CAPN15: variants seen among roughly 807,000 people sequenced by gnomAD.
CAPN15 encodes the protein calpain-15.
CAPN15 carries 53 observed loss-of-function variants against 97.9 expected under a neutral mutation model. The ratio of observed to expected loss-of-function variants is 0.54; its 90% CI spans 0.43 to 0.68. The LOEUF (loss-of-function observed/expected upper bound fraction) is 0.68, where lower values mean the gene tolerates loss of function less well. CAPN15 is among the 30% of genes least tolerant of loss of function. The pLI is 0.00. For synonymous variants in CAPN15, 922 were observed against 722.5 expected (o/e 1.28, Z -4.43); for missense variants, 1,592 against 1,589.8 (o/e 1.00, Z -0.02).
At chr16:553,109 C>G in intron 13 of CAPN15, 68 bp downstream of exon 13, 1 of 879,800 alleles carries the variant, frequency 1.1e-6, no homozygotes, top group East Asian at 3.1e-5. Flanking sequence ...TGCACCCACA[C>G]CCAACTCGTG....
In CAPN15 at chr16:547,881, A is replaced by C; in HGVS notation, c.1043A>C (p.Lys348Thr). The C allele has an allele frequency of 6.2e-7, 1 of 1,611,422 alleles. No individual in the cohort carries two copies. ...SPDFTTWSCA[K>T]CTLRNPTVAP... ...GACTTCACCACCTGGTCATGTGCCAAGTGCACGCTCAGAAACCCCACAGTG... is the reference window on the plus strand; with the variant it reads ...GACTTCACCACCTGGTCATGTGCCACGTGCACGCTCAGAAACCCCACAGTG... Residue 348 changes from lysine (K) to threonine (T), a missense_variant, in exon 4 of 14, where the codon AAG becomes ACG. Transcript: ENST00000219611.
In CAPN15 at chr16:554,412, C is replaced by T. The variant is rs1331129015; in HGVS notation, c.*896C>T. On this transcript the variant is annotated 3_prime_UTR_variant, in exon 14 of 14. Coordinates refer to ENST00000219611, the MANE Select transcript of CAPN15 (RefSeq NM_005632.3). ...CTCGCCCCCACTCCCCCTCCTACCCCGGCAGGGGCTTCCGGGGCCTTTTCA... is the reference window on the plus strand; with the variant it reads ...CTCGCCCCCACTCCCCCTCCTACCCTGGCAGGGGCTTCCGGGGCCTTTTCA... 9 of 432,882 alleles carry T rather than the reference C, an allele frequency of 2.1e-5. No individual in the cohort carries two copies. The highest frequency in any genetic ancestry group is 3.3e-5 in the South Asian group (2 of 60,944). The allele number at this position is 432,882 out of a possible 1,614,324, so 26.8% of individuals were successfully genotyped here. A position where few individuals can be genotyped will look rare whatever the true frequency, so the allele number is the denominator to read the frequency against.
rs141486247 is a variant in CAPN15, at chr16:551,359, C to T, written c.2124C>T (p.Tyr708=). 2.1e-4 allele frequency: 335 copies of T among 1,609,728 alleles called. 4 individuals carry two copies. The South Asian group carries it at 2.5e-3, about 12-fold the overall frequency. The change falls in exon 8 of 14, where the codon TAC becomes TAT. Residue 708 remains tyrosine (Y), a synonymous_variant. Transcript: ENST00000219611. ...ACATGAAGGTGGACGATTCGGCCTACGAGAGCCTGGGCCTGCGCCCCCGGC... is the reference window on the plus strand; with the variant it reads ...ACATGAAGGTGGACGATTCGGCCTATGAGAGCCTGGGCCTGCGCCCCCGGC... ...GGNMKVDDSA[Y]ESLGLRPRHA...
chr16:540,355 C>T (rs28579080), intron 3 of CAPN15: 6 of 985,408 alleles, frequency 6.1e-6, no homozygotes, highest in South Asian at 4.7e-5. Flanking sequence ...CCAGCCCCCA[C>T]GGCCCCGGGC....
In CAPN15 at chr16:552,095, A is replaced by G; in HGVS notation, c.2390A>G (p.Gln797Arg). 1 of 1,549,276 alleles carries G rather than the reference A, an allele frequency of 6.5e-7. No individual in the cohort carries two copies. The highest frequency in any genetic ancestry group is 8.7e-7 in the Non-Finnish European group (1 of 1,146,964). The change falls in exon 10 of 14, where the codon CAG becomes CGG. Residue 797 changes from glutamine (Q) to arginine (R), a missense_variant. By Grantham distance (43) the Gln-to-Arg change is conservative (BLOSUM62 1). Transcript: ENST00000219611. This position sits in a 1 kb window ranked among gnomAD's most constrained non-coding sequence, Gnocchi z 6.4. ...VDICKVHSDW[Q>R]EARVQGCFPS... ...ATCTGTAAGGTGCACTCGGACTGGC[A>G]GGAGGCGCGGGTGCAGGGCTGCTTT...
chr16:544,229 C>T (rs1001886307), intron 3 of CAPN15, among the ~76,000 whole-genome samples: 4 of 152,140 alleles, frequency 2.6e-5, no homozygotes, highest in East Asian at 1.9e-4. Context: ...CATGGTATCC[C>T]CCGCCCTGGG....
intron 1 of CAPN15, among the ~76,000 whole-genome samples, chr16:531,877 A>C (rs1019894755): frequency 6.6e-6 from 1 of 152,186 alleles, no homozygotes; most frequent in African/African-American, 2.4e-5. Flanking sequence ...CTGCCACCAC[A>C]TGGCAAGCAG....
intron 3 of CAPN15, chr16:539,957 T>G: frequency 2.0e-6 from 1 of 512,778 alleles, no homozygotes; most frequent in Non-Finnish European, 2.5e-6. Flanking sequence ...GGCCCTGCAC[T>G]GAGATGTCCC....
intron 3 of CAPN15, chr16:538,218 A>C (rs2033866941): frequency 6.6e-6 from 1 of 152,074 alleles, no homozygotes; most frequent in South Asian, 2.1e-4. Context: ...AAGCGCCTGC[A>C]GGCGAGTGAG....
intron 2 of CAPN15, among the ~76,000 whole-genome samples, chr16:534,537 G>A (rs764170852): frequency 4.1e-4 from 62 of 152,176 alleles, no homozygotes; most frequent in Admixed American, 2.0e-3. Flanking sequence ...CCTCCCACCC[G>A]ACTCATGCAG....
At position 536,107 on chromosome 16, in the gene CAPN15, C is replaced by T; in HGVS notation, c.-58C>T. The stretch of plus-strand genomic sequence containing the variant: ...ACTGCACTGGGTGATTCACGTGTGC[C>T]CAGGCCCTGAGGTGGGCCGGACCTG... On this transcript the variant is annotated 5_prime_UTR_variant, in exon 3 of 14. Coordinates refer to ENST00000219611, the MANE Select transcript of CAPN15 (RefSeq NM_005632.3). 1 of 983,942 alleles carries T rather than the reference C, an allele frequency of 1.0e-6. No homozygotes were observed. The highest frequency in any genetic ancestry group is 1.8e-5 in the African/African-American group (1 of 56,968). 61.0% of individuals were successfully genotyped at this position (983,942 alleles called of 1,614,324 possible). A position where few individuals can be genotyped will look rare whatever the true frequency, so the allele number is the denominator to read the frequency against.
intron 3 of CAPN15, among the ~76,000 whole-genome samples, chr16:540,925 C>T (rs912243642): frequency 2.6e-5 from 4 of 152,212 alleles, no homozygotes; most frequent in South Asian, 2.1e-4. Context: ...GGCTGGACCC[C>T]ACCGATGCTC....
At chr16:549,528 C>G in intron 6 of CAPN15, 57 bp downstream of exon 6, 2 of 1,482,702 alleles carry the variant, frequency 1.3e-6, no homozygotes, top group East Asian at 2.5e-5. Flanking sequence ...ACCCCAGCCC[C>G]GAAAACAAGG....
chr16:552,654 C>T lies in CAPN15; in HGVS notation c.2787C>T (p.Gly929=), dbSNP rs778408669. The T allele has an allele frequency of 4.9e-5, 76 of 1,539,298 alleles. No homozygotes were observed. Among genetic ancestry groups the T allele is most frequent in the Non-Finnish European group, 6.1e-5 (70 of 1,143,584 alleles). ...CGAGAGCCTCCCCAGAGCCGCCGGG[C>T]CACGTGCTGGCTGTGTACAGCTCGA... ...GVPRASPEPP[G]HVLAVYSSRL... Residue 929 remains glycine (G), a synonymous_variant, in exon 12 of 14, where the codon GGC becomes GGT. Coordinates refer to ENST00000219611, the MANE Select transcript of CAPN15 (RefSeq NM_005632.3). The surrounding 1 kb of genome is among the most constrained non-coding windows in gnomAD (Gnocchi z 6.4).
chr16:545,341 G>A (rs576282599), intron 3 of CAPN15, among the ~76,000 whole-genome samples: 3 of 152,050 alleles, frequency 2.0e-5, no homozygotes, highest in Admixed American at 6.5e-5. Flanking sequence ...GTCTCCCACC[G>A]CTGACCCCTG....
At chr16:538,883 C>G (rs1463399653) in intron 3 of CAPN15, 2 of 150,952 alleles carry the variant, frequency 1.3e-5, no homozygotes, top group East Asian at 1.9e-4. Context: ...CCACCCCCCC[C>G]AGCCCGCTCA....
In CAPN15 at chr16:549,358, C is replaced by T; in HGVS notation, c.1729C>T (p.Leu577=). Reference sequence around the variant, plus strand: ...GGAGCGGGTGATGGTCACGCGCAGCCTGTGTGCAGAGGGCGCCTACCAGGT... The same window carrying T: ...GGAGCGGGTGATGGTCACGCGCAGCTTGTGTGCAGAGGGCGCCTACCAGGT... The part of the protein sequence containing the change: ...LVERVMVTRS[L]CAEGAYQVRL... The change falls in exon 6 of 14, where the codon CTG becomes TTG. Residue 577 remains leucine, a synonymous_variant. Transcript: ENST00000219611. The T allele has an allele frequency of 6.3e-7, 1 of 1,597,502 alleles. No individual in the cohort carries two copies. The highest frequency in any genetic ancestry group is 8.5e-7 in the Non-Finnish European group (1 of 1,178,156).
At chr16:532,289 C>T (rs1245718334) in intron 1 of CAPN15, among the ~76,000 whole-genome samples, 1 of 150,292 alleles carries the variant, frequency 6.7e-6, no homozygotes, top group Non-Finnish European at 1.5e-5. Flanking sequence ...CTCAGTGGCT[C>T]ATGCGTGTAA....
chr16:547,213 C>G lies in CAPN15; in HGVS notation c.375C>G (p.Asp125Glu), dbSNP rs1043275133. 6.5e-7 allele frequency: 1 copy of G among 1,527,858 alleles called. No individual in the cohort carries two copies. Among genetic ancestry groups the G allele is most frequent in the Non-Finnish European group, 8.7e-7 (1 of 1,143,326 alleles). 94.6% of individuals were successfully genotyped at this position (1,527,858 alleles called of 1,614,324 possible). ...AGCCCGCCAGGGGGCAGTGCGAGGACAAGGACGAGGAGGAGAAGGAGGAGC... is the reference window on the plus strand; with the variant it reads ...AGCCCGCCAGGGGGCAGTGCGAGGAGAAGGACGAGGAGGAGAAGGAGGAGC... ...ATEPARGQCE[D>E]KDEEEKEEQE... The change falls in exon 4 of 14, where the codon GAC becomes GAG. Residue 125 changes from aspartate (D) to glutamate (E), a missense_variant. Transcript: ENST00000219611.
Sources: gnomAD v4.1 joint callset for allele counts (sites outside exome capture counted in the v4.1 genomes callset) on GRCh38, gnomAD v4.1.1 for gene constraint, Gnocchi (gnomAD v3.1) non-coding constraint, MANE v1.5 for transcripts, NCBI Gene and HGNC (gene_info 2026-07-23, HGNC 2026-07-21) for gene names.